The following LIMCH1 variants were observed in gnomAD, a reference collection of about 807,000 sequenced individuals.
LIMCH1 encodes LIM and calponin homology domains-containing protein 1.
Under a neutral mutation model 176.5 loss-of-function variants are expected in LIMCH1, and 113 were observed. The ratio of observed to expected loss-of-function variants is 0.64; its 90% confidence interval spans 0.55 to 0.75. The LOEUF (loss-of-function observed/expected upper bound fraction) is 0.75. LIMCH1 is among the 30% of genes least tolerant of loss of function. LIMCH1 has a pLI of 0.00. For synonymous variants in LIMCH1, 619 were observed against 645.9 expected (o/e 0.96, Z 0.63); for missense variants, 1,674 against 1,814.9 (o/e 0.92, Z 1.41).
intron 1 of LIMCH1, among the ~76,000 whole-genome samples, chr4:41,546,496 A>G (rs192645548): frequency 6.6e-6 from 1 of 151,340 alleles, no homozygotes; most frequent in Non-Finnish European, 1.5e-5. Flanking sequence ...TTGTTCTGTT[A>G]TGCTTGCCTA....
At chr4:41,679,758 C>T (rs1483436855) in intron 23 of LIMCH1, among the ~76,000 whole-genome samples, 2 of 152,102 alleles carry the variant, frequency 1.3e-5, no homozygotes, top group East Asian at 1.9e-4. Context: ...TCCACCTTTC[C>T]GTCTTTTCTC....
chr4:41,421,544 T>C (rs1021913811), intron 1 of LIMCH1, among the ~76,000 whole-genome samples: 2 of 152,204 alleles, frequency 1.3e-5, no homozygotes, highest in South Asian at 4.1e-4. Context: ...GGTACTGTTA[T>C]CTCTCCTTTA....
At chr4:41,487,003 T>G (rs67272765) in intron 1 of LIMCH1, among the ~76,000 whole-genome samples, 1 of 126,372 alleles carries the variant, frequency 7.9e-6, no homozygotes, top group South Asian at 2.5e-4. Flanking sequence ...CACACACACA[T>G]ATATATATAC....
chr4:41,429,038 A>C (rs1004593660), intron 1 of LIMCH1, among the ~76,000 whole-genome samples: 1 of 152,196 alleles, frequency 6.6e-6, no homozygotes, highest in Non-Finnish European at 1.5e-5. Flanking sequence ...TTGGGAAGGA[A>C]GAAAGTGGCA....
chr4:41,411,370 G>GT (rs1245677506), intron 1 of LIMCH1, among the ~76,000 whole-genome samples: 4 of 151,762 alleles, frequency 2.6e-5, no homozygotes, highest in South Asian at 2.1e-4. Flanking sequence ...TTTTGTTTTT[G>GT]TTTTTTTTGT....
chr4:41,644,477 G>C (rs900622752), intron 14 of LIMCH1, 23 bp from the exon 15 acceptor site: 2 of 1,509,880 alleles, frequency 1.3e-6, no homozygotes, highest in Non-Finnish European at 1.8e-6. Context: ...GGTCCCTCTT[G>C]TGTTCGCTCT....
intron 1 of LIMCH1, among the ~76,000 whole-genome samples, chr4:41,488,762 T>C (rs548047850): frequency 1.3e-5 from 2 of 152,296 alleles, no homozygotes; most frequent in East Asian, 1.9e-4. Flanking sequence ...TGTGAAGAAA[T>C]ACCATTTTGG....
chr4:41,415,603 G>A (rs750690920), intron 1 of LIMCH1, among the ~76,000 whole-genome samples: 3 of 152,148 alleles, frequency 2.0e-5, no homozygotes, highest in South Asian at 4.1e-4. Context: ...AGCATCACCA[G>A]CTCTGTGATG....
chr4:41,372,908 C>T (rs940250039), intron 1 of LIMCH1, among the ~76,000 whole-genome samples: 2 of 152,180 alleles, frequency 1.3e-5, no homozygotes, highest in Admixed American at 1.3e-4. Flanking sequence ...GCGATTATTC[C>T]TGTTCTCTGG....
intron 1 of LIMCH1, among the ~76,000 whole-genome samples, chr4:41,391,256 A>G (rs1012292044): frequency 7.9e-5 from 12 of 152,194 alleles, no homozygotes; most frequent in African/African-American, 2.4e-4. Context: ...TGTGAAGCCT[A>G]TGTTGACTGG....
chr4:41,684,794 T>C (rs17590257), intron 27 of LIMCH1, among the ~76,000 whole-genome samples: 2,804 of 152,270 alleles, frequency 0.018, 92 homozygotes, highest in East Asian at 0.13. Context: ...TAGTGCATTC[T>C]GAGACTTCCT....
chr4:41,468,824 C>T (rs577681454), intron 1 of LIMCH1, among the ~76,000 whole-genome samples: 24 of 152,068 alleles, frequency 1.6e-4, no homozygotes, highest in Non-Finnish European at 3.1e-4. Flanking sequence ...GGTGGCAGCT[C>T]GGATTTCTAA....
chr4:41,626,746 A>G lies in LIMCH1; in HGVS notation c.764A>G (p.Asp255Gly), dbSNP rs2092979057. 1 of 1,536,358 alleles carries G rather than the reference A, an allele frequency of 6.5e-7. No individual in the cohort carries two copies. Among genetic ancestry groups the G allele is most frequent in the Middle Eastern group, 1.7e-4 (1 of 5,992 alleles). The change falls in exon 8 of 32, where the codon GAT becomes GGT. Residue 255 changes from aspartate to glycine, a missense_variant. Coordinates refer to ENST00000503057, the MANE Select transcript of LIMCH1 (RefSeq NM_001330672.2). The stretch of plus-strand genomic sequence containing the variant: ...AGTGAAGAGAAAGAAGCTATTCGTG[A>G]TATTGTCCTTCGCAAAGAAAACTCT... ...QLSEEKEAIRDIVLRKENSFL... is the reference protein window; with the variant it reads ...QLSEEKEAIRGIVLRKENSFL...
At chr4:41,671,399 C>A (rs1246293799) in intron 21 of LIMCH1, among the ~76,000 whole-genome samples, 155 bp from the exon 22 acceptor site, 1 of 92,204 alleles carries the variant, frequency 1.1e-5, no homozygotes, top group Admixed American at 1.1e-4. Context: ...ACTTACCAAA[C>A]ACACACACAC....
intron 3 of LIMCH1, among the ~76,000 whole-genome samples, chr4:41,531,474 T>TCACACACACACACACACACACA (rs59275736): frequency 3.9e-5 from 5 of 126,986 alleles, no homozygotes; most frequent in South Asian, 2.9e-4. Context: ...TCTTTCTCTG[T>TCACACACACACACACACACACA]CACACACACA....
Position 41,646,288 on chromosome 4 carries a change from C to A in LIMCH1, c.2411+8C>A. The A allele has an allele frequency of 1.9e-6, 3 of 1,597,462 alleles. No individual in the cohort carries two copies. Among genetic ancestry groups the A allele is most frequent in the African/African-American group, 1.4e-5 (1 of 73,548 alleles). On this transcript the variant is annotated splice_region_variant and intron_variant, in intron 16 of 31. Coordinates refer to ENST00000503057, the MANE Select transcript of LIMCH1 (RefSeq NM_001330672.2). ...AGAAATTGTTCAAGAAAAGTGAGTT[C>A]TTTCTGTTGTCGTTTTTAATGTACA...
At chr4:41,571,749 G>T (rs1410270551) in intron 1 of LIMCH1, among the ~76,000 whole-genome samples, 1 of 152,118 alleles carries the variant, frequency 6.6e-6, no homozygotes, top group African/African-American at 2.4e-5. Flanking sequence ...ATCACTGCAG[G>T]TAATGACAAG....
In LIMCH1 at chr4:41,603,915, T is replaced by G. The variant is rs376896920; in HGVS notation, c.-103+10T>G. 2.5e-6 allele frequency: 4 copies of G among 1,604,206 alleles called. No individual in the cohort carries two copies. Among genetic ancestry groups the G allele is most frequent in the African/African-American group, 2.7e-5 (2 of 74,856 alleles). On this transcript the variant is annotated intron_variant, in intron 3 of 31. Coordinates refer to ENST00000503057, the MANE Select transcript of LIMCH1 (RefSeq NM_001330672.2). ...TAGGAAGCTGAAAAATGTAAGTGTTTTAACTTCCAAACTTGTATCTTTGAT... is the reference window on the plus strand; with the variant it reads ...TAGGAAGCTGAAAAATGTAAGTGTTGTAACTTCCAAACTTGTATCTTTGAT...
At chr4:41,378,848 T>C (rs2055184785) in intron 1 of LIMCH1, among the ~76,000 whole-genome samples, 1 of 152,112 alleles carries the variant, frequency 6.6e-6, no homozygotes, top group African/African-American at 2.4e-5. Context: ...GGGAGAGACT[T>C]GGACATATTA....
Sources: allele counts gnomAD v4.1 joint callset (sites outside exome capture counted in the v4.1 genomes callset), GRCh38; gene constraint gnomAD v4.1.1; transcripts MANE v1.5; gene names NCBI Gene and HGNC (gene_info 2026-07-23, HGNC 2026-07-21).